TRAPPC9: variants seen among roughly 807,000 people sequenced by gnomAD.
TRAPPC9 encodes trafficking protein particle complex subunit 9, also known as IKK2 binding protein.
TRAPPC9 carries 83 observed loss-of-function variants against 124.0 expected under a neutral mutation model. The ratio of observed to expected loss-of-function variants is 0.67; its 90% CI spans 0.56 to 0.80. The LOEUF (loss-of-function observed/expected upper bound fraction) is 0.80. Among genes scored for constraint, TRAPPC9 ranks in the 30% least tolerant of loss-of-function variants. The pLI is 0.00. For missense variants in TRAPPC9, 1,302 were observed against 1,508.3 expected, an observed-to-expected ratio of 0.86 and a Z score of 2.27; for synonymous variants, 638 against 617.5, an observed-to-expected ratio of 1.03 and a Z score of -0.49.
intron 21 of TRAPPC9, among the ~76,000 whole-genome samples, chr8:139,820,111 AT>A (rs1319780497): frequency 1.3e-5 from 2 of 151,924 alleles, no homozygotes; most frequent in South Asian, 2.1e-4. Flanking sequence ...GCCAAAAGAC[AT>A]TTTTTTAATT....
At chr8:140,207,562 C>A (rs1295721854) in intron 17 of TRAPPC9, among the ~76,000 whole-genome samples, 1 of 152,226 alleles carries the variant, frequency 6.6e-6, no homozygotes, top group African/African-American at 2.4e-5. Flanking sequence ...ATGGATCATG[C>A]TGAACGCACT....
intron 17 of TRAPPC9, among the ~76,000 whole-genome samples, chr8:140,171,155 C>G (rs571339558): frequency 6.6e-6 from 1 of 152,246 alleles, no homozygotes; most frequent in South Asian, 2.1e-4. Context: ...TCTGAATATA[C>G]CACTTAGAGC....
At chr8:140,075,960 A>G (rs1843482933) in intron 17 of TRAPPC9, among the ~76,000 whole-genome samples, 1 of 152,226 alleles carries the variant, frequency 6.6e-6, no homozygotes, top group Non-Finnish European at 1.5e-5. Flanking sequence ...GCCCACTTCT[A>G]ATGCAACGAT....
At chr8:139,745,061 C>T (rs942615219) in intron 21 of TRAPPC9, among the ~76,000 whole-genome samples, 5 of 152,304 alleles carry the variant, frequency 3.3e-5, no homozygotes, top group African/African-American at 1.2e-4. Flanking sequence ...GGTAGGCCTC[C>T]TGATTACACC....
At chr8:139,814,816 C>T (rs974804148) in intron 21 of TRAPPC9, among the ~76,000 whole-genome samples, 7 of 152,212 alleles carry the variant, frequency 4.6e-5, no homozygotes, top group African/African-American at 7.2e-5. Context: ...CAAAGACAGA[C>T]AGAAGGTGTG....
intron 17 of TRAPPC9, among the ~76,000 whole-genome samples, chr8:140,041,992 C>G (rs1394987125): frequency 6.6e-6 from 1 of 152,104 alleles, no homozygotes; most frequent in Non-Finnish European, 1.5e-5. Flanking sequence ...TCTATTATAG[C>G]TTCTTATCAA....
At chr8:139,890,446 G>A (rs549232604) in intron 20 of TRAPPC9, among the ~76,000 whole-genome samples, 9 of 152,352 alleles carry the variant, frequency 5.9e-5, no homozygotes, top group African/African-American at 2.2e-4. Context: ...GCAGTCCATG[G>A]CCAGCCAAGC....
chr8:139,984,915 T>A lies in TRAPPC9; in HGVS notation c.2810+3811A>T, dbSNP rs1274237275. Among the ~76,000 whole-genome samples the A allele has an allele frequency of 6.6e-6, 1 of 152,154 alleles. No individual in the cohort carries two copies. Among genetic ancestry groups the A allele is most frequent in the African/African-American group, 2.4e-5 (1 of 41,442 alleles). On this transcript the variant is annotated intron_variant, in intron 19 of 22. Coordinates refer to ENST00000438773, the MANE Select transcript of TRAPPC9 (RefSeq NM_001160372.4). This position sits in a 1 kb window ranked among gnomAD's most constrained non-coding sequence, Gnocchi z 4.3. ...CCGGCCCGGGACAGCAAGATGCCCTTGTCAGGCAGAAAAGGGCAGCCGCTC... is the reference window on the plus strand; with the variant it reads ...CCGGCCCGGGACAGCAAGATGCCCTAGTCAGGCAGAAAAGGGCAGCCGCTC...
At chr8:140,211,953 A>G (rs1455759043) in intron 17 of TRAPPC9, among the ~76,000 whole-genome samples, 2 of 152,238 alleles carry the variant, frequency 1.3e-5, no homozygotes. Context: ...CGGACAGCAG[A>G]CGAGGACACA....
intron 5 of TRAPPC9, among the ~76,000 whole-genome samples, chr8:140,406,656 T>C (rs2069501544): frequency 6.6e-6 from 1 of 152,072 alleles, no homozygotes; most frequent in Non-Finnish European, 1.5e-5. Flanking sequence ...AATAAACAGG[T>C]AAGTGGAGAG....
intron 17 of TRAPPC9, among the ~76,000 whole-genome samples, chr8:140,218,643 C>T (rs1333407909): frequency 1.3e-5 from 2 of 151,942 alleles, no homozygotes; most frequent in Non-Finnish European, 2.9e-5. Context: ...GTGGAAAACA[C>T]ATGTCCAGGG....
At chr8:140,136,573 C>T (rs778516511) in intron 17 of TRAPPC9, among the ~76,000 whole-genome samples, 2 of 152,214 alleles carry the variant, frequency 1.3e-5, no homozygotes, top group Non-Finnish European at 2.9e-5. Context: ...CACGGTGGCT[C>T]ACACCTGTAA....
chr8:140,225,096 G>A (rs1286247759), intron 16 of TRAPPC9, among the ~76,000 whole-genome samples: 7 of 152,296 alleles, frequency 4.6e-5, no homozygotes, highest in Non-Finnish European at 7.4e-5. Flanking sequence ...TTATCACAAC[G>A]CCTGGTACGG....
intron 16 of TRAPPC9, among the ~76,000 whole-genome samples, chr8:140,231,656 G>C (rs1260552439): frequency 7.2e-6 from 1 of 139,836 alleles, no homozygotes; most frequent in Non-Finnish European, 1.5e-5. Context: ...ACCACACACA[G>C]CTAATTTTTT....
At chr8:139,790,933 C>T (rs1822615523) in intron 21 of TRAPPC9, among the ~76,000 whole-genome samples, 3 of 152,096 alleles carry the variant, frequency 2.0e-5, no homozygotes. Flanking sequence ...GTGGCAACTT[C>T]CTCCTCCTTC....
chr8:140,236,372 A>G (rs908215458), intron 16 of TRAPPC9, among the ~76,000 whole-genome samples: 1 of 152,238 alleles, frequency 6.6e-6, no homozygotes, highest in African/African-American at 2.4e-5. Flanking sequence ...CGTGAGCCAG[A>G]GTGCCCAGTC....
At chr8:140,147,376 A>G (rs1389517608) in intron 17 of TRAPPC9, among the ~76,000 whole-genome samples, 1 of 152,224 alleles carries the variant, frequency 6.6e-6, no homozygotes, top group Non-Finnish European at 1.5e-5. Context: ...AAACGCTCCT[A>G]GCACACAGGC....
At chr8:139,867,703 C>T (rs1004366472) in intron 21 of TRAPPC9, among the ~76,000 whole-genome samples, 1 of 152,208 alleles carries the variant, frequency 6.6e-6, no homozygotes, top group South Asian at 2.1e-4. Flanking sequence ...CATGAGGACA[C>T]ATCACATACA....
intron 17 of TRAPPC9, among the ~76,000 whole-genome samples, chr8:140,145,261 T>C (rs1167995208): frequency 2.1e-5 from 3 of 145,940 alleles, no homozygotes; most frequent in Admixed American, 2.0e-4. Flanking sequence ...AAGGACAGTA[T>C]TGTTTCTTCC....
Sources: allele counts gnomAD v4.1 joint callset (sites outside exome capture counted in the v4.1 genomes callset), GRCh38; gene constraint gnomAD v4.1.1; non-coding constraint Gnocchi (gnomAD v3.1); transcripts MANE v1.5; gene names NCBI Gene and HGNC (gene_info 2026-07-23, HGNC 2026-07-21).